Variants in PTRH1 observed in about 807,000 individuals in gnomAD.
PTRH1 encodes peptidyl-tRNA hydrolase 1 homolog, also known as peptidyl-tRNA hydrolase.
PTRH1 carries 13 observed loss-of-function variants against 15.7 expected under a neutral mutation model. The ratio of observed to expected loss-of-function variants is 0.83; its 90% CI spans 0.54 to 1.31. The LOEUF is 1.31. PTRH1 is among the 40% of genes most tolerant of loss of function. The pLI is 0.00. For synonymous variants in PTRH1, 139 were observed against 136.7 expected (o/e 1.02, Z -0.12); for missense variants, 319 against 296.2 (o/e 1.08, Z -0.56).
intron 1 of PTRH1, chr9:127,706,939 T>G: frequency 6.8e-7 from 1 of 1,479,504 alleles, no homozygotes; most frequent in Non-Finnish European, 9.2e-7. Context: ...AAGCCCAGCC[T>G]CACTCCCTCG....
chr9:127,701,813 C>A (rs749135741), intron 1 of PTRH1, among the ~76,000 whole-genome samples: 14 of 151,944 alleles, frequency 9.2e-5, no homozygotes, highest in Admixed American at 9.2e-4. Flanking sequence ...ACTCGGGAGG[C>A]TGCAGCAGGA....
rs773336497 is a variant in PTRH1, at chr9:127,715,469, T to C, written c.96+75A>G. ...AAACAGAGCAGCAATTTGGGGGCAC[T>C]CGGCTCCCGGGACATAATGGCCGAA... is the stretch of plus-strand genomic sequence containing the variant. On this transcript the variant is annotated intron_variant, in intron 1 of 4. Coordinates refer to ENST00000543175, the MANE Select transcript of PTRH1 (RefSeq NM_001002913.3). The surrounding 1 kb of genome is among the most constrained non-coding windows in gnomAD (Gnocchi z 5.8). 7 of 1,598,486 alleles carry C rather than the reference T, an allele frequency of 4.4e-6. No homozygotes were observed. In the East Asian group the frequency reaches 1.6e-4, roughly 36 times the overall value.
In PTRH1 at chr9:127,715,643, G is replaced by GC. The variant is rs757049467; in HGVS notation, c.-5dup. 5 of 1,610,936 alleles carry GC rather than the reference G, an allele frequency of 3.1e-6. No individual in the cohort carries two copies. In the Admixed American group the frequency reaches 5.0e-5, roughly 16 times the overall value. ...CCAAAAAGCCGCCCGGCCTCATGCT[G>GC]CCCCCATTCACTCCGACACCGCCCC... On this transcript the variant is annotated 5_prime_UTR_variant, in exon 1 of 5. Transcript: ENST00000543175. The surrounding 1 kb of genome is among the most constrained non-coding windows in gnomAD (Gnocchi z 5.8).
chr9:127,710,417 C>A (rs1564365517), downstream of PTRH1, among the ~76,000 whole-genome samples: 1 of 151,988 alleles, frequency 6.6e-6, no homozygotes, highest in Non-Finnish European at 1.5e-5. Flanking sequence ...GGAGGGCAAC[C>A]CAGATGAAGG....
At chr9:127,707,302 C>A in intron 1 of PTRH1, 5 of 1,183,266 alleles carry the variant, frequency 4.2e-6, no homozygotes, top group Non-Finnish European at 5.9e-6. Context: ...CTGACCTCCC[C>A]TGGGATGTCC....
At chr9:127,711,392 G>A (rs751535105), downstream of PTRH1, 6 of 1,614,202 alleles carry the variant, frequency 3.7e-6, no homozygotes, top group South Asian at 5.5e-5. Context: ...GCTGCTGCAG[G>A]AGAATGAGCA....
downstream of PTRH1, chr9:127,709,399 C>A: frequency 6.2e-7 from 1 of 1,608,520 alleles, no homozygotes; most frequent in Non-Finnish European, 8.5e-7. The surrounding 1 kb of genome is among the most constrained non-coding windows in gnomAD (Gnocchi z 4.7). Context: ...GACCCCTGGA[C>A]CACGGCTCTG....
At position 127,714,703 on chromosome 9, in the gene PTRH1, C is replaced by A. The variant is rs1327487203; in HGVS notation, c.317-1G>T. On this transcript the variant is annotated splice_acceptor_variant, in intron 2 of 4. Coordinates refer to ENST00000543175, the MANE Select transcript of PTRH1 (RefSeq NM_001002913.3). LOFTEE classifies it high-confidence loss of function. ...TCGGCAGTCAGCCCAAACAGCTCCGCTTAGCACAGGGAAACGGCAGCCCTG... is the reference window on the plus strand; with the variant it reads ...TCGGCAGTCAGCCCAAACAGCTCCGATTAGCACAGGGAAACGGCAGCCCTG... 2 of 1,609,892 alleles carry A rather than the reference C, an allele frequency of 1.2e-6. No individual in the cohort carries two copies. Among genetic ancestry groups the A allele is most frequent in the Non-Finnish European group, 1.7e-6 (2 of 1,178,076 alleles).
At chr9:127,694,364 C>T (rs534561955) in intron 2 of PTRH1, among the ~76,000 whole-genome samples, 1 of 152,300 alleles carries the variant, frequency 6.6e-6, no homozygotes, top group African/African-American at 2.4e-5. Flanking sequence ...TTTGCTGCTT[C>T]CCGGGATCAT....
downstream of PTRH1, chr9:127,710,738 G>T (rs779859762): frequency 9.2e-5 from 144 of 1,567,100 alleles, no homozygotes; most frequent in Non-Finnish European, 1.2e-4. Context: ...GAAGAAGTCG[G>T]TGCTGGACAA....
At position 127,715,041 on chromosome 9, in the gene PTRH1, C is replaced by T; in HGVS notation, c.250G>A (p.Ala84Thr). 6.6e-7 allele frequency: 1 copy of T among 1,521,230 alleles called. No individual in the cohort carries two copies. Among genetic ancestry groups the T allele is most frequent in the East Asian group, 2.5e-5 (1 of 40,376 alleles). The allele number at this position is 1,521,230 out of a possible 1,614,324, so 94.2% of individuals were successfully genotyped here. ...ADLALAPLGDAQLVLLRPRRL... is the reference protein window; with the variant it reads ...ADLALAPLGDTQLVLLRPRRL... ...CGTGGCCGGAGCAGGACCAGTTGGG[C>T]ATCCCCCAGCGGGGCCAGGGCGAGG... is the stretch of plus-strand genomic sequence containing the variant. Residue 84 changes from alanine (A) to threonine (T), a missense_variant, in exon 2 of 5, where the codon GCC (alanine) becomes ACC (threonine). Transcript: ENST00000543175. The surrounding 1 kb of genome is among the most constrained non-coding windows in gnomAD (Gnocchi z 5.8).
chr9:127,700,193 TCTCTGACCCC>T (rs1159661969), intron 1 of PTRH1, among the ~76,000 whole-genome samples: 1 of 152,242 alleles, frequency 6.6e-6, no homozygotes, highest in Admixed American at 6.5e-5. Flanking sequence ...TCAGGCTGTC[TCTCTGACCCC>T]CTCTTGCCCG....
intron 2 of PTRH1, 34 bp downstream of exon 2, chr9:127,714,941 G>GGCCCCCCCCCCCCCCCCCCCCCCCCC: frequency 2.2e-6 from 1 of 446,382 alleles, no homozygotes. Context: ...CACCCCCTTG[G>GGCCCCCCCCCCCCCCCCCCCCCCCCC]CCCGCCCGCC....
intron 1 of PTRH1, among the ~76,000 whole-genome samples, chr9:127,701,521 C>T (rs113954669): frequency 2.6e-5 from 4 of 152,208 alleles, no homozygotes; most frequent in African/African-American, 9.6e-5. Flanking sequence ...GAGTACCTGA[C>T]CTGCTAAAGA....
intron 2 of PTRH1, 122 bp from the exon 3 acceptor site, chr9:127,714,824 C>T: frequency 9.3e-7 from 1 of 1,072,732 alleles, no homozygotes; most frequent in Non-Finnish European, 1.4e-6. Context: ...TGAGGCCCCC[C>T]GAAGTACCCA....
At chr9:127,710,540 C>A (rs1178616253), downstream of PTRH1, 17 of 1,544,124 alleles carry the variant, frequency 1.1e-5, no homozygotes, top group Non-Finnish European at 1.5e-5. Context: ...CTTTAAGGTC[C>A]TCGCCAGGCC....
Position 127,714,172 on chromosome 9 carries a change from C to A in PTRH1, c.573G>T (p.Leu191Phe), listed in dbSNP as rs749361456. Residue 191 changes from leucine (L) to phenylalanine (F), a missense_variant, in exon 5 of 5, where the codon TTG becomes TTT. By Grantham distance (22) the Leu-to-Phe change is conservative. Coordinates refer to ENST00000543175, the MANE Select transcript of PTRH1 (RefSeq NM_001002913.3). ...AGATCAGGTCGGTGGCTCGATCCAG[C>A]AACAGAGGCAGCAGCTCCTGCTCAG... ...SPAEQELLPL[L>F]LDRATDLILD... 9 of 1,613,938 alleles carry A rather than the reference C, an allele frequency of 5.6e-6. No individual in the cohort carries two copies. The South Asian group carries it at 9.9e-5, about 18-fold the overall frequency.
At chr9:127,711,567 G>T, downstream of PTRH1, 1 of 1,551,192 alleles carries the variant, frequency 6.4e-7, no homozygotes. Context: ...GCCCTGCAGG[G>T]GTAGAGTCAG....
At chr9:127,711,884 T>A, downstream of PTRH1, 1 of 1,594,292 alleles carries the variant, frequency 6.3e-7, no homozygotes, top group Non-Finnish European at 8.5e-7. Flanking sequence ...GCCGAGGAGC[T>A]GCGCCTCCTG....
Sources: gnomAD v4.1 joint callset for allele counts (sites outside exome capture counted in the v4.1 genomes callset) on GRCh38, gnomAD v4.1.1 for gene constraint, Gnocchi (gnomAD v3.1) non-coding constraint, MANE v1.5 for transcripts, NCBI Gene and HGNC (gene_info 2026-07-23, HGNC 2026-07-21) for gene names.